LMO3: variants seen among roughly 807,000 people sequenced by gnomAD.
LMO3 encodes LIM domain only protein 3.
Under a neutral mutation model 15.8 loss-of-function variants are expected in LMO3, and 2 were observed. The ratio of observed to expected loss-of-function variants is 0.13; its 90% confidence interval spans 0.05 to 0.40. The LOEUF (loss-of-function observed/expected upper bound fraction) is 0.40. Among genes scored for constraint, LMO3 ranks in the 10% least tolerant of loss-of-function variants. LMO3 has a pLI of 0.99. For synonymous variants in LMO3, 62 were observed against 63.8 expected (o/e 0.97, Z 0.13); for missense variants, 86 against 182.2 (o/e 0.47, Z 3.04).
At chr12:16,595,534 T>C (rs1943622073) in intron 2 of LMO3, among the ~76,000 whole-genome samples, 1 of 151,386 alleles carries the variant, frequency 6.6e-6, no homozygotes, top group African/African-American at 2.4e-5. Context: ...TTTGTATTGG[T>C]TCAGGGTAGT....
chr12:16,578,936 T>G (rs1943076757), intron 2 of LMO3, among the ~76,000 whole-genome samples: 1 of 152,112 alleles, frequency 6.6e-6, no homozygotes. Flanking sequence ...TCACTTGAAA[T>G]AAAAAGAAAA....
chr12:16,595,954 A>T (rs1031135984), intron 2 of LMO3, among the ~76,000 whole-genome samples: 1 of 151,504 alleles, frequency 6.6e-6, no homozygotes, highest in Non-Finnish European at 1.5e-5. Context: ...ATGAAAGAAA[A>T]AAGAATGAAT....
At chr12:16,562,263 G>C (rs188315323) in intron 2 of LMO3, among the ~76,000 whole-genome samples, 1 of 152,156 alleles carries the variant, frequency 6.6e-6, no homozygotes, top group Admixed American at 6.5e-5. Context: ...ATCTGCTTAG[G>C]AGATCACTTA....
At chr12:16,572,182 A>G (rs1043800464) in intron 2 of LMO3, among the ~76,000 whole-genome samples, 1 of 151,894 alleles carries the variant, frequency 6.6e-6, no homozygotes, top group Non-Finnish European at 1.5e-5. Flanking sequence ...ACAACTCTCA[A>G]TCCAGTATTA....
rs1477676910 is a variant in LMO3 at position 16,604,643 on chromosome 12, T to C, written c.-9+1423A>G. 3.5e-6 allele frequency: 2 copies of C among 575,740 alleles called. No individual in the cohort carries two copies. Among genetic ancestry groups the C allele is most frequent in the Non-Finnish European group, 6.1e-6 (2 of 325,648 alleles). The allele number at this position is 575,740 out of a possible 1,614,324, so 35.7% of individuals were successfully genotyped here. ...TTTATGCTCCAGCCTTTTGTGGTTG[T>C]GTCTTTGCAGCCACACAGGGATGGT... On this transcript the variant is annotated intron_variant, in intron 1 of 3. Transcript: ENST00000537304. This position sits in a 1 kb window ranked among gnomAD's most constrained non-coding sequence, Gnocchi z 5.3.
At chr12:16,553,554 G>C (rs1565479156) in intron 3 of LMO3, among the ~76,000 whole-genome samples, 1 of 152,080 alleles carries the variant, frequency 6.6e-6, no homozygotes, top group Non-Finnish European at 1.5e-5. Flanking sequence ...ACTGGATAAA[G>C]TGCATTTTAT....
chr12:16,566,782 A>G (rs1009670045), intron 2 of LMO3, among the ~76,000 whole-genome samples: 1 of 152,224 alleles, frequency 6.6e-6, no homozygotes, highest in African/African-American at 2.4e-5. Flanking sequence ...ATATACATGT[A>G]TAGTACATAT....
In LMO3 at chr12:16,593,669, C is replaced by T. The variant is rs7958626; in HGVS notation, c.206+6986G>A. 0.87 allele frequency among the ~76,000 whole-genome samples: 132,166 copies of T among 151,680 alleles called. 60,244 individuals are homozygous for T. Among genetic ancestry groups the T allele is most frequent in the East Asian group, 1 (5,167 of 5,174 alleles). On this transcript the variant is annotated intron_variant, in intron 2 of 3. Transcript: ENST00000537304. The surrounding 1 kb of genome is among the most constrained non-coding windows in gnomAD (Gnocchi z 4.2). The stretch of plus-strand genomic sequence containing the variant: ...GTTTGTGAAGATAGAAAACGTTTGG[C>T]TTCTATAATAAGAGGATATGCTTAG...
At position 16,582,770 on chromosome 12, in the gene LMO3, G is replaced by A. The variant is rs759533891; in HGVS notation, c.206+17885C>T. 3.3e-5 allele frequency among the ~76,000 whole-genome samples: 5 copies of A among 152,090 alleles called. No homozygotes were observed. The highest frequency in any genetic ancestry group is 5.9e-5 in the Non-Finnish European group (4 of 68,026). On this transcript the variant is annotated intron_variant, in intron 2 of 3. Coordinates refer to ENST00000537304, the MANE Select transcript of LMO3 (RefSeq NM_018640.5). This position sits in a 1 kb window ranked among gnomAD's most constrained non-coding sequence, Gnocchi z 4.1. Reference sequence around the variant, plus strand: ...CCCAGAAAAGAATCAGAACTAGGCCGGGCACGGTGGCCCATGCCTGTAATC... The same window carrying A: ...CCCAGAAAAGAATCAGAACTAGGCCAGGCACGGTGGCCCATGCCTGTAATC...
rs143969842 is a variant in LMO3 at position 16,551,236 on chromosome 12, G to A, written c.424C>T (p.Pro142Ser). ...EEGLMKEGYA[P>S]QVR ...ATGTTGATAGATCAGCGAACCTGGG[G>A]TGCATAACCTTCTTTCATTAAACCT... is the stretch of plus-strand genomic sequence containing the variant. The change falls in exon 4 of 4, where the codon CCC (proline) becomes TCC (serine). Residue 142 changes from proline to serine, a missense_variant. Coordinates refer to ENST00000537304, the MANE Select transcript of LMO3 (RefSeq NM_018640.5). 6 of 1,604,210 alleles carry A rather than the reference G, an allele frequency of 3.7e-6. No individual in the cohort carries two copies. The highest frequency in any genetic ancestry group is 1.7e-6 in the Non-Finnish European group (2 of 1,171,082).
At chr12:16,568,096 G>C (rs1409647381) in intron 2 of LMO3, among the ~76,000 whole-genome samples, 1 of 152,170 alleles carries the variant, frequency 6.6e-6, no homozygotes, top group African/African-American at 2.4e-5. Flanking sequence ...GAATACTAAA[G>C]GTGAGGAAAG....
intron 2 of LMO3, among the ~76,000 whole-genome samples, chr12:16,567,924 C>T (rs1187636674): frequency 6.6e-6 from 1 of 152,032 alleles, no homozygotes; most frequent in Non-Finnish European, 1.5e-5. Flanking sequence ...TACTGAGTAG[C>T]GATCATGATC....
chr12:16,558,025 G>A (rs1303668832), intron 3 of LMO3, among the ~76,000 whole-genome samples: 1 of 152,012 alleles, frequency 6.6e-6, no homozygotes, highest in Non-Finnish European at 1.5e-5. Context: ...CATATGTGAA[G>A]CTCTGTCCAT....
intron 2 of LMO3, among the ~76,000 whole-genome samples, chr12:16,566,470 T>C (rs1410871319): frequency 6.6e-6 from 1 of 152,072 alleles, no homozygotes; most frequent in Non-Finnish European, 1.5e-5. Context: ...ACTACCCTAA[T>C]TAGATCATTA....
chr12:16,592,034 G>C (rs1342806046), intron 2 of LMO3, among the ~76,000 whole-genome samples: 4 of 151,896 alleles, frequency 2.6e-5, no homozygotes, highest in Non-Finnish European at 5.9e-5. Flanking sequence ...AAAATAACTT[G>C]CTCTTAAGTT....
chr12:16,606,003 C>G (rs1051677498), intron 1 of LMO3, 63 bp downstream of exon 1: 2 of 615,366 alleles, frequency 3.3e-6, no homozygotes, highest in African/African-American at 3.7e-5. Flanking sequence ...CACGCACGCG[C>G]GCACCCGCAG....
rs1942162603 is a variant in LMO3 at position 16,555,591 on chromosome 12, G to A, written c.333-4264C>T. 6.6e-6 allele frequency among the ~76,000 whole-genome samples: 1 copy of A among 152,114 alleles called. No individual in the cohort carries two copies. The highest frequency in any genetic ancestry group is 1.5e-5 in the Non-Finnish European group (1 of 67,992). The stretch of plus-strand genomic sequence containing the variant: ...TATTTTAGATGACTAATTTAAATTT[G>A]TATTCATTTTGACTTTTATTTAATG... On this transcript the variant is annotated intron_variant, in intron 3 of 3. Coordinates refer to ENST00000537304, the MANE Select transcript of LMO3 (RefSeq NM_018640.5). This position sits in a 1 kb window ranked among gnomAD's most constrained non-coding sequence, Gnocchi z 5.5.
chr12:16,565,589 A>G (rs1329966741), intron 2 of LMO3, among the ~76,000 whole-genome samples: 1 of 152,210 alleles, frequency 6.6e-6, no homozygotes, highest in Non-Finnish European at 1.5e-5. Flanking sequence ...TAGAATGTAC[A>G]TATAAAAATA....
Position 16,564,012 on chromosome 12 carries a change from AGGCTTATAATGTAAAAGG to A in LMO3, c.207-3492_207-3475del, listed in dbSNP as rs1942497822. 2.0e-5 allele frequency among the ~76,000 whole-genome samples: 3 copies of A among 152,222 alleles called. No homozygotes were observed. The South Asian group carries it at 6.2e-4, about 31-fold the overall frequency. The stretch of plus-strand genomic sequence containing the variant: ...TTGTTTCTGACACACTTCCAAAAGT[AGGCTTATAATGTAAAAGG>A]TGACAAGTACCGGCCATACAATATC... On this transcript the variant is annotated intron_variant, in intron 2 of 3. Transcript: ENST00000537304.
Sources: gnomAD v4.1 joint callset for allele counts (sites outside exome capture counted in the v4.1 genomes callset) on GRCh38, gnomAD v4.1.1 for gene constraint, Gnocchi (gnomAD v3.1) non-coding constraint, MANE v1.5 for transcripts, NCBI Gene and HGNC (gene_info 2026-07-23, HGNC 2026-07-21) for gene names.